The following CSMD2 variants were observed in gnomAD, a reference collection of about 807,000 sequenced individuals.
The protein encoded by CSMD2 is CUB and sushi domain-containing protein 2.
Under a neutral mutation model 398.5 loss-of-function variants are expected in CSMD2, and 130 were observed. The observed-to-expected ratio is 0.33, with a 90% CI of 0.28 to 0.38. The LOEUF is 0.38. Among genes scored for constraint, CSMD2 ranks in the 10% least tolerant of loss-of-function variants. CSMD2 has a pLI of 1.00. For missense variants in CSMD2, 3,829 were observed against 4,764.9 expected (o/e 0.80, Z 5.78); for synonymous variants, 1,828 against 1,908.5 (o/e 0.96, Z 1.10).
At chr1:33,554,893 A>C (rs1657815017) in intron 55 of CSMD2, among the ~76,000 whole-genome samples, 1 of 152,222 alleles carries the variant, frequency 6.6e-6, no homozygotes, top group Admixed American at 6.5e-5. Flanking sequence ...GATGTACAGG[A>C]ATTGAATGTT....
In CSMD2 at chr1:33,671,911, A is replaced by G. The variant is rs190330523; in HGVS notation, c.4053-8819T>C. Among the ~76,000 whole-genome samples, 463 of 152,324 alleles carry G rather than the reference A, an allele frequency of 3.0e-3. 1 individual carries two copies. The highest frequency in any genetic ancestry group is 0.01 in the African/African-American group (435 of 41,574). ...CACTAGGTATTTTTTAAAAACAAAA[A>G]CAAAAACAAACAAACAAATGATTCC... On this transcript the variant is annotated intron_variant, in intron 25 of 70. Coordinates refer to ENST00000373381, the MANE Select transcript of CSMD2 (RefSeq NM_001281956.2).
intron 29 of CSMD2, among the ~76,000 whole-genome samples, chr1:33,641,932 T>G (rs1643131765): frequency 6.6e-6 from 1 of 152,236 alleles, no homozygotes; most frequent in South Asian, 2.1e-4. Context: ...ATGCCTGACC[T>G]GCTCTTGCCC....
At chr1:34,044,652 T>C (rs1042485329) in intron 2 of CSMD2, among the ~76,000 whole-genome samples, 1 of 152,208 alleles carries the variant, frequency 6.6e-6, no homozygotes, top group Non-Finnish European at 1.5e-5. Context: ...AACCATGTGA[T>C]AAGCCTCCAC....
chr1:33,902,999 C>T (rs984728459), intron 5 of CSMD2, among the ~76,000 whole-genome samples: 1 of 152,206 alleles, frequency 6.6e-6, no homozygotes, highest in Non-Finnish European at 1.5e-5. Context: ...CTGCCAGACA[C>T]AGGGCACTGC....
At chr1:34,116,788 G>C (rs893378548) in intron 1 of CSMD2, among the ~76,000 whole-genome samples, 4 of 151,958 alleles carry the variant, frequency 2.6e-5, no homozygotes, top group African/African-American at 9.7e-5. Context: ...AATCATACCA[G>C]TTACATTTTC....
At chr1:33,652,939 AGTAGATACAGGGTTTCACT>A (rs1643841895) in intron 27 of CSMD2, among the ~76,000 whole-genome samples, 1 of 151,948 alleles carries the variant, frequency 6.6e-6, no homozygotes, top group African/African-American at 2.4e-5. Flanking sequence ...TTGTATTTTT[AGTAGATACAGGGTTTCACT>A]GTATTAGCCA....
Position 33,635,423 on chromosome 1 carries a change from C to G in CSMD2, c.4970-93G>C, listed in dbSNP as rs566568045. The G allele has an allele frequency of 1.3e-6, 1 of 755,184 alleles. No individual in the cohort carries two copies. The highest frequency in any genetic ancestry group is 1.8e-5 in the African/African-American group (1 of 57,140). 46.8% of individuals were successfully genotyped at this position (755,184 alleles called of 1,614,324 possible). On this transcript the variant is annotated intron_variant, in intron 30 of 70. Transcript: ENST00000373381. This position sits in a 1 kb window ranked among gnomAD's most constrained non-coding sequence, Gnocchi z 5.0. The stretch of plus-strand genomic sequence containing the variant: ...CTGCCCCAGCCTGAGCTTCTGGCCC[C>G]AGTAGGGCTGCCCTGAGGTGGGCAG...
chr1:34,126,975 C>T (rs1662807828), intron 1 of CSMD2, among the ~76,000 whole-genome samples: 1 of 151,974 alleles, frequency 6.6e-6, no homozygotes, highest in African/African-American at 2.4e-5. Flanking sequence ...AAAAGAGACA[C>T]AACGGCAGAT....
chr1:33,842,981 A>G (rs1002767916), intron 6 of CSMD2, among the ~76,000 whole-genome samples: 1 of 152,174 alleles, frequency 6.6e-6, no homozygotes, highest in African/African-American at 2.4e-5. Flanking sequence ...TGAGACCCAC[A>G]TTTAAGTCAC....
At chr1:33,803,148 T>C (rs988166288) in intron 10 of CSMD2, among the ~76,000 whole-genome samples, 11 of 152,204 alleles carry the variant, frequency 7.2e-5, no homozygotes, top group Admixed American at 2.6e-4. Flanking sequence ...TGTGTTTGCA[T>C]CACGATTCTC....
rs180697910 is a variant in CSMD2, at chr1:33,907,262, G to C, written c.920+10832C>G. Among the ~76,000 whole-genome samples the C allele has an allele frequency of 4.2e-3, 641 of 152,038 alleles. 5 individuals carry two copies. Among genetic ancestry groups the C allele is most frequent in the African/African-American group, 0.014 (592 of 41,508 alleles). On this transcript the variant is annotated intron_variant, in intron 5 of 70. Transcript: ENST00000373381. Reference sequence around the variant, plus strand: ...GCCTCCCGAGTAGCTGGGACCACAGGCGTCTGCCACCACGCCCAGCTAATT... The same window carrying C: ...GCCTCCCGAGTAGCTGGGACCACAGCCGTCTGCCACCACGCCCAGCTAATT...
At chr1:33,740,156 C>T (rs1195196607) in intron 14 of CSMD2, among the ~76,000 whole-genome samples, 1 of 152,174 alleles carries the variant, frequency 6.6e-6, no homozygotes, top group African/African-American at 2.4e-5. Flanking sequence ...TAAGTGCTCA[C>T]TGAAGATGAG....
At position 33,819,825 on chromosome 1, in the gene CSMD2, G is replaced by T; in HGVS notation, c.1212C>A (p.Ser404Arg). Reference sequence around the variant, plus strand: ...AGCCCTCGTTGCAGGTGAACTGGACGCTGGATCCTAACCTGGGAGACAAAG... The same window carrying T: ...AGCCCTCGTTGCAGGTGAACTGGACTCTGGATCCTAACCTGGGAGACAAAG... ...RLGSDFRLGS[S>R]VQFTCNEGYD... The change falls in exon 9 of 71, where the codon AGC becomes AGA. Residue 404 changes from serine (S) to arginine (R), a missense_variant. Coordinates refer to ENST00000373381, the MANE Select transcript of CSMD2 (RefSeq NM_001281956.2). The T allele has an allele frequency of 6.2e-7, 1 of 1,614,076 alleles. No individual in the cohort carries two copies. Among genetic ancestry groups the T allele is most frequent in the Non-Finnish European group, 8.5e-7 (1 of 1,179,982 alleles).
chr1:34,076,928 A>AAAAAAAAAAAAAAAAAAATATATAT (rs1232288848), intron 2 of CSMD2, among the ~76,000 whole-genome samples: 1 of 53,598 alleles, frequency 1.9e-5, no homozygotes, highest in African/African-American at 8.6e-5. Flanking sequence ...AAAAAAAAAA[A>AAAAAAAAAAAAAAAAAAATATATAT]ATATATATAT....
Position 34,083,787 on chromosome 1 carries a change from C to T in CSMD2, c.404+5190G>A, listed in dbSNP as rs1451524257. 2.0e-5 allele frequency among the ~76,000 whole-genome samples: 3 copies of T among 152,148 alleles called. No homozygotes were observed. In the East Asian group the frequency reaches 5.8e-4, roughly 29 times the overall value. On this transcript the variant is annotated intron_variant, in intron 2 of 70. Coordinates refer to ENST00000373381, the MANE Select transcript of CSMD2 (RefSeq NM_001281956.2). The stretch of plus-strand genomic sequence containing the variant: ...TGCAAAAATTAGCCAGGCGTGGGGG[C>T]TCATGCCTGTAGTCCCAGCTACTTT...
intron 5 of CSMD2, among the ~76,000 whole-genome samples, chr1:33,889,311 A>T (rs940058941): frequency 6.6e-6 from 1 of 152,230 alleles, no homozygotes; most frequent in Admixed American, 6.5e-5. Flanking sequence ...GACCATGGAC[A>T]TATGAAGAGA....
rs117414587 is a variant in CSMD2, at chr1:33,821,524, C to T, written c.1112-968G>A. Among the ~76,000 whole-genome samples the T allele has an allele frequency of 5.8e-3, 883 of 152,274 alleles. 40 individuals carry two copies. The East Asian group carries it at 0.11, about 19-fold the overall frequency. On this transcript the variant is annotated intron_variant, in intron 7 of 70. Coordinates refer to ENST00000373381, the MANE Select transcript of CSMD2 (RefSeq NM_001281956.2). ...CCTCTAGACAAGGGTTCCAGGGCAT[C>T]TGGACAGCATTCGGCATTTTCCAAC...
At chr1:33,850,902 G>A (rs750220303) in intron 5 of CSMD2, among the ~76,000 whole-genome samples, 22 of 152,108 alleles carry the variant, frequency 1.4e-4, no homozygotes, top group Non-Finnish European at 2.8e-4. Context: ...AAAGCTCTGA[G>A]CCATTCCCTT....
intron 43 of CSMD2, among the ~76,000 whole-genome samples, chr1:33,601,888 T>C (rs572735991): frequency 6.6e-6 from 1 of 152,332 alleles, no homozygotes; most frequent in African/African-American, 2.4e-5. Context: ...GTGGCTACCA[T>C]ATTGGGCAGC....
Sources: allele counts gnomAD v4.1 joint callset (sites outside exome capture counted in the v4.1 genomes callset), GRCh38; gene constraint gnomAD v4.1.1; non-coding constraint Gnocchi (gnomAD v3.1); transcripts MANE v1.5; gene names NCBI Gene and HGNC (gene_info 2026-07-23, HGNC 2026-07-21).